VWA5B1: variants seen among roughly 807,000 people sequenced by gnomAD.
VWA5B1 encodes von Willebrand factor A domain containing 5B1, also known as von Willebrand factor A domain-containing protein 5B1.
Under a neutral mutation model 118.2 loss-of-function variants are expected in VWA5B1, and 115 were observed. That is an observed-to-expected ratio of 0.97 (90% CI 0.84 to 1.14). VWA5B1 has a LOEUF of 1.14. Among genes scored for constraint, VWA5B1 ranks in the 50% most tolerant of loss-of-function variants. The probability of loss-of-function intolerance (pLI) is 0.00; values close to 1 mark genes in which losing one functional copy is unlikely to be tolerated. For synonymous variants in VWA5B1, 682 were observed against 658.4 expected (o/e 1.04, Z -0.55); for missense variants, 1,596 against 1,603.8 (o/e 1.00, Z 0.08).
Position 20,312,318 on chromosome 1 carries a change from G to T in VWA5B1, c.140-518G>T, listed in dbSNP as rs1570090541. 2.6e-5 allele frequency among the ~76,000 whole-genome samples: 4 copies of T among 152,134 alleles called. No individual in the cohort carries two copies. The South Asian group carries it at 8.3e-4, about 32-fold the overall frequency. The stretch of plus-strand genomic sequence containing the variant: ...CTTAATAAATGATGCCTATTTTTTC[G>T]ATTCTCACTACAAACCCTGGGAATT... On this transcript the variant is annotated intron_variant, in intron 2 of 21. Transcript: ENST00000289815.
At position 20,323,392 on chromosome 1, in the gene VWA5B1, C is replaced by T. The variant is rs764728019; in HGVS notation, c.1003C>T (p.Pro335Ser). 1 of 1,520,608 alleles carries T rather than the reference C, an allele frequency of 6.6e-7. No individual in the cohort carries two copies. Among genetic ancestry groups the T allele is most frequent in the South Asian group, 1.3e-5 (1 of 78,428 alleles). 94.2% of individuals were successfully genotyped at this position (1,520,608 alleles called of 1,614,324 possible). ...TCGAAAACGCCTCCACAAAGACATT[C>T]CCCACCACTCCGTCATCATGCTCAA... ...IIRKRLHKDI[P>S]HHSVIMLNFC... Residue 335 changes from proline (P) to serine (S), a missense_variant, in exon 8 of 22, where the codon CCC (proline) becomes TCC (serine). Transcript: ENST00000289815.
intron 14 of VWA5B1, chr1:20,338,249 C>A (rs1034437085): frequency 2.8e-6 from 1 of 362,236 alleles, no homozygotes; most frequent in South Asian, 2.1e-5. Context: ...CTTTGAAGGA[C>A]CCCCTGCCTT....
chr1:20,310,503 T>G (rs2088813973), intron 1 of VWA5B1, 73 bp from the exon 2 acceptor site: 1 of 1,381,970 alleles, frequency 7.2e-7, no homozygotes, highest in Non-Finnish European at 9.5e-7. Flanking sequence ...TGAGGGTGTC[T>G]GAAACGGGAA....
At chr1:20,346,251 T>C (rs2101003383) in intron 17 of VWA5B1, among the ~76,000 whole-genome samples, 1 of 152,308 alleles carries the variant, frequency 6.6e-6, no homozygotes, top group Non-Finnish European at 1.5e-5. Flanking sequence ...ACGCTATTAT[T>C]ATCCCCATTT....
At chr1:20,308,186 T>C (rs1418032950) in intron 1 of VWA5B1, among the ~76,000 whole-genome samples, 1 of 152,216 alleles carries the variant, frequency 6.6e-6, no homozygotes, top group Non-Finnish European at 1.5e-5. Flanking sequence ...GCTGCATCCA[T>C]GTTGCTGCAA....
Position 20,329,107 on chromosome 1 carries a change from G to T in VWA5B1, c.1255-1073G>T, listed in dbSNP as rs181245439. ...TTGGGACTTATTTAACAAAACCCCT[G>T]CAGTCAAGCATTAAAGTTCTTTCCA... On this transcript the variant is annotated intron_variant, in intron 9 of 21. Transcript: ENST00000289815. Among the ~76,000 whole-genome samples, 4 of 152,138 alleles carry T rather than the reference G, an allele frequency of 2.6e-5. No homozygotes were observed. In the East Asian group the frequency reaches 7.7e-4, roughly 29 times the overall value.
intron 1 of VWA5B1, among the ~76,000 whole-genome samples, chr1:20,297,330 G>A (rs1386220190): frequency 1.3e-5 from 2 of 152,214 alleles, no homozygotes; most frequent in African/African-American, 4.8e-5. Flanking sequence ...AGGCTCCTTG[G>A]GGGCACATTC....
intron 4 of VWA5B1, among the ~76,000 whole-genome samples, chr1:20,316,115 A>T (rs1000751402): frequency 6.6e-6 from 1 of 152,232 alleles, no homozygotes; most frequent in Non-Finnish European, 1.5e-5. Context: ...GTGACACAAG[A>T]CAAAATTCAA....
intron 20 of VWA5B1, among the ~76,000 whole-genome samples, 171 bp from the exon 21 acceptor site, chr1:20,351,884 C>G (rs1557453617): frequency 6.6e-6 from 1 of 152,178 alleles, no homozygotes; most frequent in Non-Finnish European, 1.5e-5. Flanking sequence ...CATTGAGTGA[C>G]TTGGAGCAGT....
At position 20,356,477 on chromosome 1, in the gene VWA5B1, T is replaced by A. The variant is rs1025552017; in HGVS notation, c.*2214T>A. Among the ~76,000 whole-genome samples, 1 of 152,134 alleles carries A rather than the reference T, an allele frequency of 6.6e-6. No homozygotes were observed. The highest frequency in any genetic ancestry group is 6.5e-5 in the Admixed American group (1 of 15,274). ...AGGCTGAACTGGGCTGTCCAGCACC[T>A]CCCTGCCCCACCAGATGAGTCTGAT... On this transcript the variant is annotated 3_prime_UTR_variant, in exon 22 of 22. Coordinates refer to ENST00000289815, the MANE Select transcript of VWA5B1 (RefSeq NM_001039500.3).
At chr1:20,325,815 C>T (rs181371932) in intron 8 of VWA5B1, among the ~76,000 whole-genome samples, 1 of 152,314 alleles carries the variant, frequency 6.6e-6, no homozygotes, top group African/African-American at 2.4e-5. Flanking sequence ...AGGCTACACA[C>T]CCCTTTCCCC....
intron 7 of VWA5B1, among the ~76,000 whole-genome samples, chr1:20,321,122 A>AAAC (rs2089199341): frequency 6.6e-6 from 1 of 151,894 alleles, no homozygotes; most frequent in Non-Finnish European, 1.5e-5. Context: ...GCAAAAAAAA[A>AAAC]AAAAAAACAC....
At chr1:20,328,139 C>A (rs886495412) in intron 9 of VWA5B1, 139 bp downstream of exon 9, 18 of 753,832 alleles carry the variant, frequency 2.4e-5, no homozygotes, top group Middle Eastern at 3.8e-4. Flanking sequence ...AGATCACACC[C>A]GGGGGCAGAG....
intron 1 of VWA5B1, chr1:20,294,254 C>T (rs56171471): frequency 0.046 from 6,937 of 152,250 alleles, 226 homozygotes; most frequent in Admixed American, 0.083. Flanking sequence ...GCTTATGCAT[C>T]GAAGCAGGGT....
rs888608402 is a variant in VWA5B1, at chr1:20,323,430, C to T, written c.1041C>T (p.Asp347=). The T allele has an allele frequency of 5.9e-6, 9 of 1,538,300 alleles. No individual in the cohort carries two copies. The highest frequency in any genetic ancestry group is 5.0e-5 in the East Asian group (2 of 39,622). The change falls in exon 8 of 22, where the codon GAC becomes GAT. Residue 347 remains aspartate (D), a synonymous_variant. Transcript: ENST00000289815. The part of the protein sequence containing the change: ...HSVIMLNFCP[D]LQSVQPCLRK... ...TCATCATGCTCAACTTCTGTCCCGA[C>T]CTCCAGTCAGTCCAGCCGTGCCTGA...
At chr1:20,324,373 C>T (rs940163579) in intron 8 of VWA5B1, among the ~76,000 whole-genome samples, 9 of 152,144 alleles carry the variant, frequency 5.9e-5, no homozygotes, top group Middle Eastern at 3.2e-3. Context: ...CACCTGCCCC[C>T]TGCCCCACCC....
At position 20,354,177 on chromosome 1, in the gene VWA5B1, G is replaced by A. The variant is rs890828872; in HGVS notation, c.3562G>A (p.Ala1188Thr). ...CCGCACGCAGGGCACACTCAAGGCC[G>A]CTGCCCGCCAGCTGTTTGTGCTTCT... is the stretch of plus-strand genomic sequence containing the variant. ...EGRTQGTLKA[A>T]ARQLFVLLRH... The change falls in exon 22 of 22, where the codon GCT becomes ACT. Residue 1188 changes from alanine to threonine, a missense_variant. Transcript: ENST00000289815. 2.3e-5 allele frequency: 36 copies of A among 1,551,194 alleles called. No individual in the cohort carries two copies. In the Admixed American group the frequency reaches 2.4e-4, roughly 10 times the overall value.
At position 20,314,414 on chromosome 1, in the gene VWA5B1, G is replaced by T. The variant is rs1196103798; in HGVS notation, c.385G>T (p.Val129Leu). ...CGAGGATTTGGAGCGGATCCTGTTC[G>T]TGGCCAACCTGGGGACCATTGCCCC... The part of the protein sequence containing the change: ...LDEDLERILF[V>L]ANLGTIAPME... Residue 129 changes from valine (V) to leucine (L), a missense_variant, in exon 4 of 22, where the codon GTG becomes TTG. Physicochemically the swap from Val to Leu is conservative, Grantham distance 32. Coordinates refer to ENST00000289815, the MANE Select transcript of VWA5B1 (RefSeq NM_001039500.3). 1.3e-6 allele frequency: 2 copies of T among 1,551,962 alleles called. No homozygotes were observed. Among genetic ancestry groups the T allele is most frequent in the Non-Finnish European group, 1.7e-6 (2 of 1,147,064 alleles).
At position 20,332,926 on chromosome 1, in the gene VWA5B1, C is replaced by T; in HGVS notation, c.1733C>T (p.Ser578Phe). ...GGGTATGGCATTGTATGTGATGCTT[C>T]TTTGCACATCTCCAATCCCAGATCT... ...LVGYGIVCDA[S>F]LHISNPRSDK... The change falls in exon 12 of 22, where the codon TCT becomes TTT. Residue 578 changes from serine (S) to phenylalanine (F), a missense_variant. Transcript: ENST00000289815. 1 of 1,551,940 alleles carries T rather than the reference C, an allele frequency of 6.4e-7. No homozygotes were observed. Among genetic ancestry groups the T allele is most frequent in the Non-Finnish European group, 8.7e-7 (1 of 1,147,044 alleles).
Sources: gnomAD v4.1 joint callset for allele counts (sites outside exome capture counted in the v4.1 genomes callset) on GRCh38, gnomAD v4.1.1 for gene constraint, MANE v1.5 for transcripts, NCBI Gene and HGNC (gene_info 2026-07-23, HGNC 2026-07-21) for gene names.